The following BLTP2 variants were observed in gnomAD, a reference collection of about 807,000 sequenced individuals.
The protein encoded by BLTP2 is U937-associated antigen.
chr17:28,643,709 C>A, the BLTP2 span: 1 of 1,542,884 alleles, frequency 6.5e-7, no homozygotes, highest in Non-Finnish European at 9.0e-7. Flanking sequence ...AAATAAGCCA[C>A]GAGCAGCTTG....
chr17:28,634,017 C>T, the BLTP2 span: 1 of 1,614,142 alleles, frequency 6.2e-7, no homozygotes, highest in Non-Finnish European at 8.5e-7. Flanking sequence ...CTGCTCGGTG[C>T]CCACAAGTCG....
the BLTP2 span, among the ~76,000 whole-genome samples, chr17:28,644,650 C>T: frequency 3.9e-5 from 6 of 152,208 alleles, no homozygotes; most frequent in Non-Finnish European, 8.8e-5. Flanking sequence ...AGGTGCCCAT[C>T]GCGCTTGGCG....
the BLTP2 span, chr17:28,640,096 A>T: frequency 5.1e-6 from 8 of 1,567,410 alleles, no homozygotes; most frequent in Admixed American, 5.3e-5. Context: ...TTTATTTTTT[A>T]AAAGTAATTA....
the BLTP2 span, among the ~76,000 whole-genome samples, chr17:28,632,531 C>A: frequency 6.6e-6 from 1 of 152,054 alleles, no homozygotes; most frequent in Non-Finnish European, 1.5e-5. Context: ...ACGGTGGAGC[C>A]TTCATGAATA....
chr17:28,639,632 C>G, the BLTP2 span: 1 of 1,613,986 alleles, frequency 6.2e-7, no homozygotes, highest in African/African-American at 1.3e-5. Flanking sequence ...TCTGGGACAA[C>G]AACAACCCAT....
At chr17:28,633,487 T>C in the BLTP2 span, 6 of 1,578,382 alleles carry the variant, frequency 3.8e-6, no homozygotes, top group Admixed American at 3.3e-5. Context: ...TCTTCCCACA[T>C]GTGCTATACA....
At chr17:28,638,134 G>A in the BLTP2 span, 2 of 1,606,064 alleles carry the variant, frequency 1.2e-6, no homozygotes, top group Non-Finnish European at 1.7e-6. Flanking sequence ...AAGTATGCAG[G>A]CGCACAGTTT....
At chr17:28,616,721 T>C in the BLTP2 span, 1 of 1,614,196 alleles carries the variant, frequency 6.2e-7, no homozygotes, top group Non-Finnish European at 8.5e-7. The surrounding 1 kb of genome is among the most constrained non-coding windows in gnomAD (Gnocchi z 4.8). Flanking sequence ...AGAACTGGTG[T>C]GTCAGCTGGA....
chr17:28,640,791 G>T, the BLTP2 span: 1 of 1,035,356 alleles, frequency 9.7e-7, no homozygotes, highest in Non-Finnish European at 1.4e-6. Flanking sequence ...AGTAGGCTAA[G>T]CAAATGCCTA....
At chr17:28,616,976 G>A in the BLTP2 span, 4 of 1,613,608 alleles carry the variant, frequency 2.5e-6, no homozygotes, top group Non-Finnish European at 3.4e-6. The surrounding 1 kb of genome is among the most constrained non-coding windows in gnomAD (Gnocchi z 4.8). Context: ...CAGACTGGCA[G>A]GAGCTCTGGG....
the BLTP2 span, chr17:28,615,804 A>G: frequency 1.9e-6 from 3 of 1,613,416 alleles, no homozygotes; most frequent in African/African-American, 4.0e-5. Flanking sequence ...TCACCCTGTA[A>G]GAGGAGGGGG....
At chr17:28,615,253 G>C in the BLTP2 span, 9 of 1,595,852 alleles carry the variant, frequency 5.6e-6, no homozygotes, top group Non-Finnish European at 7.7e-6. Flanking sequence ...TTACCTGGCA[G>C]ATTGGAGAGG....
chr17:28,632,064 G>C, the BLTP2 span: 2 of 1,612,950 alleles, frequency 1.2e-6, no homozygotes, highest in Non-Finnish European at 1.7e-6. Context: ...GCTGGGGAAA[G>C]AGGGCTGTAT....
At chr17:28,623,496 C>A in the BLTP2 span, among the ~76,000 whole-genome samples, 2 of 151,696 alleles carry the variant, frequency 1.3e-5, no homozygotes, top group Admixed American at 1.3e-4. Context: ...TAATAGGGAT[C>A]AGCAATCTTA....
chr17:28,638,726 C>T, the BLTP2 span: 1 of 803,040 alleles, frequency 1.2e-6, no homozygotes, highest in Non-Finnish European at 2.1e-6. Context: ...CTCTCACAAT[C>T]AGAGTGAGAA....
chr17:28,634,917 A>C, the BLTP2 span: 1 of 1,613,942 alleles, frequency 6.2e-7, no homozygotes. Context: ...AGTTATCATG[A>C]AGTTTCACCT....
chr17:28,617,367 A>C, the BLTP2 span: 1 of 1,386,350 alleles, frequency 7.2e-7, no homozygotes, highest in Non-Finnish European at 1.0e-6. Flanking sequence ...CTTTCTCAGA[A>C]GTCTACTAGA....
chr17:28,642,143 G>A, the BLTP2 span: 1 of 1,586,828 alleles, frequency 6.3e-7, no homozygotes, highest in Non-Finnish European at 8.6e-7. Flanking sequence ...TCAAAATGTG[G>A]TGATCTGGAA....
chr17:28,633,244 C>T, the BLTP2 span: 2 of 1,599,186 alleles, frequency 1.3e-6, no homozygotes, highest in Non-Finnish European at 1.7e-6. Context: ...CAACCTGAGC[C>T]CCTCATCCCA....
Sources: gnomAD v4.1 joint callset for allele counts (sites outside exome capture counted in the v4.1 genomes callset) on GRCh38, gnomAD v4.1.1 for gene constraint, Gnocchi (gnomAD v3.1) non-coding constraint, MANE v1.5 for transcripts, NCBI Gene and HGNC (gene_info 2026-07-23, HGNC 2026-07-21) for gene names.